Variants in SPMIP4 observed in about 807,000 individuals in gnomAD.
The protein encoded by SPMIP4 is sperm microtubule inner protein 4.
chr7:25,147,640 T>C, the SPMIP4 span, among the ~76,000 whole-genome samples: 1 of 152,210 alleles, frequency 6.6e-6, no homozygotes, highest in South Asian at 2.1e-4. Context: ...GCCCCGGGAC[T>C]TAATTTTTAA....
the SPMIP4 span, chr7:25,136,029 C>A: frequency 1.9e-6 from 3 of 1,613,594 alleles, no homozygotes; most frequent in South Asian, 2.2e-5. This position sits in a 1 kb window ranked among gnomAD's most constrained non-coding sequence, Gnocchi z 5.7. Flanking sequence ...TCCCCGAATG[C>A]TCATTATCCC....
the SPMIP4 span, among the ~76,000 whole-genome samples, chr7:25,153,665 T>C: frequency 2.6e-5 from 4 of 152,204 alleles, no homozygotes; most frequent in African/African-American, 7.2e-5. Flanking sequence ...GAATTCAGGA[T>C]TGAGAAAAAG....
chr7:25,164,875 A>ATGTC, the SPMIP4 span, among the ~76,000 whole-genome samples: 5 of 152,192 alleles, frequency 3.3e-5, no homozygotes, highest in Admixed American at 3.3e-4. Flanking sequence ...AGAACATACA[A>ATGTC]TGTCTGATTT....
the SPMIP4 span, among the ~76,000 whole-genome samples, chr7:25,152,267 C>T: frequency 2.9e-3 from 439 of 152,172 alleles, 1 homozygote; most frequent in African/African-American, 0.01. Flanking sequence ...TACTTGCTTA[C>T]CAAAAAGGTA....
chr7:25,161,732 G>C, the SPMIP4 span, among the ~76,000 whole-genome samples: 1 of 150,602 alleles, frequency 6.6e-6, no homozygotes, highest in Admixed American at 6.6e-5. Context: ...TGGGATTACA[G>C]GCATGAGCCA....
the SPMIP4 span, among the ~76,000 whole-genome samples, chr7:25,127,499 T>C: frequency 6.6e-6 from 1 of 152,242 alleles, no homozygotes; most frequent in East Asian, 1.9e-4. Flanking sequence ...AGTACGTTAA[T>C]TGGATTTTTC....
the SPMIP4 span, among the ~76,000 whole-genome samples, chr7:25,170,438 G>C: frequency 1.3e-5 from 2 of 152,140 alleles, no homozygotes; most frequent in Admixed American, 1.3e-4. Context: ...TAAGTCCCTT[G>C]TCAGGGATAA....
the SPMIP4 span, among the ~76,000 whole-genome samples, chr7:25,154,718 T>C: frequency 6.6e-5 from 10 of 152,024 alleles, no homozygotes; most frequent in Non-Finnish European, 1.0e-4. Context: ...GAAATAAAAA[T>C]AGAAAATAGA....
chr7:25,158,133 C>T, the SPMIP4 span, among the ~76,000 whole-genome samples: 4 of 152,008 alleles, frequency 2.6e-5, no homozygotes, highest in Admixed American at 6.6e-5. Flanking sequence ...TTTGGGAGGC[C>T]GAGGTGGGCG....
the SPMIP4 span, among the ~76,000 whole-genome samples, chr7:25,145,117 C>G: frequency 6.6e-6 from 1 of 152,076 alleles, no homozygotes; most frequent in African/African-American, 2.4e-5. Flanking sequence ...TGTGCACCAC[C>G]ACGCCCGGCT....
the SPMIP4 span, among the ~76,000 whole-genome samples, chr7:25,132,154 C>T: frequency 5.5e-4 from 84 of 152,210 alleles, no homozygotes; most frequent in Non-Finnish European, 1.1e-3. This position sits in a 1 kb window ranked among gnomAD's most constrained non-coding sequence, Gnocchi z 5.0. Context: ...TTGTCCCTCC[C>T]GCTGTGCTGT....
chr7:25,131,878 C>T, the SPMIP4 span, among the ~76,000 whole-genome samples: 6 of 152,148 alleles, frequency 3.9e-5, no homozygotes, highest in Non-Finnish European at 5.9e-5. The surrounding 1 kb of genome is among the most constrained non-coding windows in gnomAD (Gnocchi z 4.2). Flanking sequence ...GCAATGGGCA[C>T]CTCGCTGGAT....
At chr7:25,155,116 T>G in the SPMIP4 span, 7 of 1,613,232 alleles carry the variant, frequency 4.3e-6, no homozygotes, top group African/African-American at 8.0e-5. Flanking sequence ...TCAGGTGACG[T>G]GAAGGTGGGG....
chr7:25,168,968 C>T, the SPMIP4 span, among the ~76,000 whole-genome samples: 4 of 150,746 alleles, frequency 2.7e-5, no homozygotes, highest in Non-Finnish European at 5.9e-5. Flanking sequence ...CTCAGGTGAT[C>T]CACCCGCCTC....
the SPMIP4 span, among the ~76,000 whole-genome samples, chr7:25,129,920 G>A: frequency 6.6e-6 from 1 of 151,980 alleles, no homozygotes; most frequent in Non-Finnish European, 1.5e-5. Context: ...GCCTCCCTAA[G>A]AATACGGAAG....
At chr7:25,180,294 G>A in the SPMIP4 span, 1 of 152,354 alleles carries the variant, frequency 6.6e-6, no homozygotes, top group Non-Finnish European at 1.5e-5. Flanking sequence ...TGGCAAGAAT[G>A]CGAAGAGGAA....
At chr7:25,151,871 C>T in the SPMIP4 span, among the ~76,000 whole-genome samples, 7 of 152,070 alleles carry the variant, frequency 4.6e-5, no homozygotes, top group East Asian at 1.9e-4. Flanking sequence ...TTTAAGATAG[C>T]GTCTTGCTAT....
At chr7:25,171,584 G>GA in the SPMIP4 span, among the ~76,000 whole-genome samples, 45 of 151,264 alleles carry the variant, frequency 3.0e-4, no homozygotes, top group East Asian at 5.0e-3. Flanking sequence ...ACTGGGAGGA[G>GA]AAAAAAAAAT....
chr7:25,159,083 A>C, the SPMIP4 span, among the ~76,000 whole-genome samples: 7 of 152,172 alleles, frequency 4.6e-5, no homozygotes, highest in African/African-American at 1.4e-4. Context: ...ACTACTTCTA[A>C]TGATAAGAGA....
Sources: allele counts gnomAD v4.1 joint callset (sites outside exome capture counted in the v4.1 genomes callset), GRCh38; gene constraint gnomAD v4.1.1; non-coding constraint Gnocchi (gnomAD v3.1); transcripts MANE v1.5; gene names NCBI Gene and HGNC (gene_info 2026-07-23, HGNC 2026-07-21).